Variants in CUX1 observed in about 807,000 individuals in gnomAD.
CUX1 encodes protein CASP.
In CUX1, 31 loss-of-function variants were observed where a neutral mutation model predicts 158.8. The ratio of observed to expected loss-of-function variants is 0.20; its 90% CI spans 0.15 to 0.26. The LOEUF is 0.26. CUX1 is among the 10% of genes least tolerant of loss of function. CUX1 has a pLI of 1.00. For missense variants in CUX1, 1,589 were observed against 2,014.6 expected (o/e 0.79, Z 4.04); for synonymous variants, 879 against 862.1 (o/e 1.02, Z -0.34).
At position 102,201,082 on chromosome 7, in the gene CUX1, C is replaced by A. The variant is rs1274966531; in HGVS notation, c.2063-278C>A. Among the ~76,000 whole-genome samples, 1 of 144,740 alleles carries A rather than the reference C, an allele frequency of 6.9e-6. No homozygotes were observed. The highest frequency in any genetic ancestry group is 1.5e-5 in the Non-Finnish European group (1 of 66,350). 95.0% of individuals were successfully genotyped at this position (144,740 alleles called of 152,430 possible). A position where few individuals can be genotyped will look rare whatever the true frequency, so the allele number is the denominator to read the frequency against. On this transcript the variant is annotated intron_variant, in intron 17 of 23. Coordinates refer to ENST00000292535, the MANE Select transcript of CUX1 (RefSeq NM_181552.4). This position sits in a 1 kb window ranked among gnomAD's most constrained non-coding sequence, Gnocchi z 5.0. ...CTCGGGGAAAGGAGCCCCAGGAGGG[C>A]AGGTCGGGGAGCACTTTCACTGACA...
intron 20 of CUX1, among the ~76,000 whole-genome samples, chr7:102,281,263 A>T (rs543883650): frequency 6.6e-6 from 1 of 152,272 alleles, no homozygotes; most frequent in Non-Finnish European, 1.5e-5. Flanking sequence ...CCAGCTACTC[A>T]GGAGGCTGAC....
Position 101,914,373 on chromosome 7 carries a change from TCCC to T in CUX1, c.31-1741_31-1739del, listed in dbSNP as rs1453471242. Among the ~76,000 whole-genome samples, 34 of 95,620 alleles carry T rather than the reference TCCC, an allele frequency of 3.6e-4. 1 individual carries two copies. The South Asian group carries it at 0.016, about 46-fold the overall frequency. The allele number at this position is 95,620 out of a possible 152,430, so 62.7% of individuals were successfully genotyped here. ...CTTCTTCCTTCCTTCCTTCCTTCCC[TCCC>T]TCCCTCCCTCCCTCCCTCTTTCCCT... On this transcript the variant is annotated intron_variant, in intron 1 of 23. Coordinates refer to ENST00000292535, the MANE Select transcript of CUX1 (RefSeq NM_181552.4).
chr7:102,199,881 G>C (rs1795223394), intron 16 of CUX1, among the ~76,000 whole-genome samples, 190 bp from the exon 17 acceptor site: 2 of 152,260 alleles, frequency 1.3e-5, no homozygotes, highest in African/African-American at 4.8e-5. Flanking sequence ...CAAATGAGCA[G>C]GAAATCCCTC....
In CUX1 at chr7:102,269,226, C is replaced by T. The variant is rs1052341171; in HGVS notation, c.1256-4140C>T. ...CTGGGCTCCAGTGATCCTCCCTCCT[C>T]AGCCTCCCAAAGTGCTGGAATTATA... On this transcript the variant is annotated intron_variant, in intron 14 of 22. Transcript: ENST00000292538. Among the ~76,000 whole-genome samples the T allele has an allele frequency of 2.6e-5, 4 of 152,154 alleles. No individual in the cohort carries two copies. In the East Asian group the frequency reaches 7.7e-4, roughly 29 times the overall value.
chr7:102,090,410 T>C (rs112789026), intron 4 of CUX1, among the ~76,000 whole-genome samples: 1 of 151,810 alleles, frequency 6.6e-6, no homozygotes, highest in Non-Finnish European at 1.5e-5. Flanking sequence ...TTTTTTGAGA[T>C]GGAGTCTCGC....
chr7:101,879,115 C>T (rs1355541506), intron 1 of CUX1, among the ~76,000 whole-genome samples: 1 of 152,208 alleles, frequency 6.6e-6, no homozygotes, highest in Non-Finnish European at 1.5e-5. Flanking sequence ...GTAGCTGAAA[C>T]TGTTGCATTT....
intron 20 of CUX1, 66 bp from the exon 21 acceptor site, chr7:102,227,301 A>G: frequency 7.3e-7 from 1 of 1,378,270 alleles, no homozygotes; most frequent in Non-Finnish European, 1.0e-6. Flanking sequence ...CTAGATAAGG[A>G]ACGTAGATGG....
chr7:101,855,875 C>T (rs1584774701), intron 1 of CUX1, among the ~76,000 whole-genome samples: 2 of 39,266 alleles, frequency 5.1e-5, no homozygotes, highest in East Asian at 1.7e-3. Flanking sequence ...GAGTTTCCAG[C>T]TCAAAAAAAA....
chr7:101,844,543 G>A (rs538178985), intron 1 of CUX1, among the ~76,000 whole-genome samples: 10 of 152,206 alleles, frequency 6.6e-5, no homozygotes, highest in African/African-American at 2.4e-4. Context: ...TACTGCTTTG[G>A]AGGGAAGTCT....
intron 19 of CUX1, chr7:102,280,658 CCCCTGGCAGCA>C (rs1791993293): frequency 4.3e-6 from 3 of 698,318 alleles, no homozygotes; most frequent in Admixed American, 2.3e-5. Flanking sequence ...CCCAGGGAAG[CCCCTGGCAGCA>C]CCCTGGCAGC....
At position 102,255,892 on chromosome 7, in the gene CUX1, G is replaced by A; in HGVS notation, c.*6850G>A. Reference sequence around the variant, plus strand: ...AAAGCACTTAAATAGATGACTATGTGTAAAAGCTCTGTGCAATTGAAATCA... The same window carrying A: ...AAAGCACTTAAATAGATGACTATGTATAAAAGCTCTGTGCAATTGAAATCA... On this transcript the variant is annotated 3_prime_UTR_variant, in exon 24 of 24. Coordinates refer to ENST00000292535, the MANE Select transcript of CUX1 (RefSeq NM_181552.4). The A allele has an allele frequency of 8.1e-6, 8 of 985,166 alleles. No homozygotes were observed. Among genetic ancestry groups the A allele is most frequent in the Non-Finnish European group, 9.6e-6 (8 of 829,850 alleles). 61.0% of individuals were successfully genotyped at this position (985,166 alleles called of 1,614,324 possible). A position where few individuals can be genotyped will look rare whatever the true frequency, so the allele number is the denominator to read the frequency against.
At chr7:102,023,159 G>T (rs534657068) in intron 2 of CUX1, among the ~76,000 whole-genome samples, 1 of 152,248 alleles carries the variant, frequency 6.6e-6, no homozygotes, top group Admixed American at 6.5e-5. Flanking sequence ...AGGTTGCAGT[G>T]AGCCGAGGTC....
intron 3 of CUX1, among the ~76,000 whole-genome samples, chr7:102,040,883 A>G (rs1459681644): frequency 6.6e-6 from 1 of 152,120 alleles, no homozygotes; most frequent in African/African-American, 2.4e-5. Flanking sequence ...ATCCTCCCCC[A>G]AGGAGCTCCG....
At chr7:102,018,896 C>T (rs1441391590) in intron 2 of CUX1, among the ~76,000 whole-genome samples, 2 of 152,158 alleles carry the variant, frequency 1.3e-5, no homozygotes, top group African/African-American at 2.4e-5. Flanking sequence ...CTCCACTGTA[C>T]ACTTGCGGGA....
chr7:102,051,581 G>A (rs1329568395), intron 3 of CUX1, among the ~76,000 whole-genome samples: 1 of 151,118 alleles, frequency 6.6e-6, no homozygotes, highest in Non-Finnish European at 1.5e-5. Flanking sequence ...TTTGAACCTG[G>A]GAGGCAGAGG....
intron 2 of CUX1, among the ~76,000 whole-genome samples, chr7:101,984,077 C>CAAA (rs1181549351): frequency 0.026 from 432 of 16,594 alleles, 58 homozygotes; most frequent in Non-Finnish European, 0.031. Context: ...TGTCCCCCCC[C>CAAA]AAAAAAAAAA....
chr7:101,928,037 T>A (rs1056859511), intron 2 of CUX1, among the ~76,000 whole-genome samples: 2 of 152,222 alleles, frequency 1.3e-5, no homozygotes, highest in African/African-American at 4.8e-5. Flanking sequence ...CCTTCATGTG[T>A]CCAGCCGTTT....
chr7:102,230,938 G>T (rs1458892005), intron 21 of CUX1, among the ~76,000 whole-genome samples: 2 of 151,886 alleles, frequency 1.3e-5, no homozygotes, highest in Non-Finnish European at 2.9e-5. Flanking sequence ...ATAGCTTACT[G>T]CAGCCTTGAA....
At position 101,869,737 on chromosome 7, in the gene CUX1, C is replaced by A. The variant is rs911255337; in HGVS notation, c.31-46378C>A. On this transcript the variant is annotated intron_variant, in intron 1 of 23. Coordinates refer to ENST00000292535, the MANE Select transcript of CUX1 (RefSeq NM_181552.4). This position sits in a 1 kb window ranked among gnomAD's most constrained non-coding sequence, Gnocchi z 4.5. ...CAGCAGGTGGGCGGGAGCTCACAGG[C>A]TGCAGAGGAAGCGCAGGGGAGGCGC... Among the ~76,000 whole-genome samples the A allele has an allele frequency of 5.9e-5, 9 of 152,118 alleles. No homozygotes were observed. The highest frequency in any genetic ancestry group is 1.2e-4 in the Non-Finnish European group (8 of 68,016).
Sources: allele counts gnomAD v4.1 joint callset (sites outside exome capture counted in the v4.1 genomes callset), GRCh38; gene constraint gnomAD v4.1.1; non-coding constraint Gnocchi (gnomAD v3.1); transcripts MANE v1.5; gene names NCBI Gene and HGNC (gene_info 2026-07-23, HGNC 2026-07-21).